Variants in KMT2D observed in about 807,000 individuals in gnomAD.
KMT2D encodes the protein histone-lysine N-methyltransferase 2D.
Under a neutral mutation model 512.7 loss-of-function variants are expected in KMT2D, and 55 were observed. The ratio of observed to expected loss-of-function variants is 0.11; its 90% CI spans 0.09 to 0.13. The LOEUF (loss-of-function observed/expected upper bound fraction) is 0.13, where lower values mean the gene tolerates loss of function less well. Among genes scored for constraint, KMT2D ranks in the 10% least tolerant of loss-of-function variants. The pLI is 1.00. For synonymous variants in KMT2D, 2,995 were observed against 2,904.0 expected (o/e 1.03, Z -1.01); for missense variants, 6,061 against 7,127.9 (o/e 0.85, Z 5.39).
chr12:49,060,086 T>G lies in KMT2D; in HGVS notation c.-511A>C, dbSNP rs1479778955. Among the ~76,000 whole-genome samples, 2 of 149,700 alleles carry G rather than the reference T, an allele frequency of 1.3e-5. No individual in the cohort carries two copies. Among genetic ancestry groups the G allele is most frequent in the Non-Finnish European group, 3.0e-5 (2 of 67,234 alleles). ...CCCCGCGCCTGGCCCGGATGGAACGTGAGACCCTCGCAGGAGCGCCGAGCC... is the reference window on the plus strand; with the variant it reads ...CCCCGCGCCTGGCCCGGATGGAACGGGAGACCCTCGCAGGAGCGCCGAGCC... On this transcript the variant is annotated 5_prime_UTR_variant, in exon 1 of 55. Transcript: ENST00000301067.
In KMT2D at chr12:49,044,011, CG is replaced by C. The variant is rs761505876; in HGVS notation, c.5189-14del. ...TCAGCAGGTATCACTGTGGACAGAA[CG>C]GAAGTGTCAGACTCGGGTTGAGAGC... is the stretch of plus-strand genomic sequence containing the variant. On this transcript the variant is annotated splice_polypyrimidine_tract_variant and intron_variant, in intron 22 of 54. Transcript: ENST00000301067. The surrounding 1 kb of genome is among the most constrained non-coding windows in gnomAD (Gnocchi z 6.4). The C allele has an allele frequency of 6.2e-7, 1 of 1,613,586 alleles. No homozygotes were observed. Among genetic ancestry groups the C allele is most frequent in the South Asian group, 1.1e-5 (1 of 91,072 alleles).
In KMT2D at chr12:49,043,774, G is replaced by A. The variant is rs1348839272; in HGVS notation, c.5328C>T (p.Phe1776=). The change falls in exon 24 of 55, where the codon TTC becomes TTT. Residue 1776 remains phenylalanine (F), a synonymous_variant. Transcript: ENST00000301067. ...DMFPAYLQEA[F]FGKELLDLSR... is the part of the protein sequence containing the mutation. The stretch of plus-strand genomic sequence containing the variant: ...TCAGGTCCAGCAGCTCCTTCCCAAA[G>A]AAGGCTTCCTGTGGGGCAGTCAAGG... 1 of 1,612,560 alleles carries A rather than the reference G, an allele frequency of 6.2e-7. No homozygotes were observed. Among genetic ancestry groups the A allele is most frequent in the South Asian group, 1.1e-5 (1 of 91,052 alleles).
At position 49,046,579 on chromosome 12, in the gene KMT2D, G is replaced by C. The variant is rs780560503; in HGVS notation, c.4418+30C>G. On this transcript the variant is annotated intron_variant, in intron 16 of 54. Coordinates refer to ENST00000301067, the MANE Select transcript of KMT2D (RefSeq NM_003482.4). This position sits in a 1 kb window ranked among gnomAD's most constrained non-coding sequence, Gnocchi z 4.2. The stretch of plus-strand genomic sequence containing the variant: ...TCCACTTTAACATCTCAAGGCCCCA[G>C]GGCTCCACTGAAGATCCCAGTCTCC... 2 of 1,598,206 alleles carry C rather than the reference G, an allele frequency of 1.3e-6. No homozygotes were observed. Among genetic ancestry groups the C allele is most frequent in the South Asian group, 2.2e-5 (2 of 89,312 alleles).
intron 6 of KMT2D, 55 bp downstream of exon 6, chr12:49,053,923 C>CCAAGG: frequency 6.4e-7 from 1 of 1,572,188 alleles, no homozygotes; most frequent in Non-Finnish European, 8.7e-7. Flanking sequence ...GTACAAAAAT[C>CCAAGG]CAAGGCACAT....
chr12:49,020,257 C>T lies in KMT2D; in HGVS notation c.*1523G>A, dbSNP rs1285171106. ...GGTGGGAATTGCCCAGCCTCTATAC[C>T]CCCATCTTACAGCAGTCACAGCCAG... On this transcript the variant is annotated 3_prime_UTR_variant, in exon 55 of 55. Transcript: ENST00000301067. 5.7e-6 allele frequency: 1 copy of T among 175,282 alleles called. No homozygotes were observed. The highest frequency in any genetic ancestry group is 1.2e-5 in the Non-Finnish European group (1 of 81,226). The allele number at this position is 175,282 out of a possible 1,614,324, so 10.9% of individuals were successfully genotyped here. A position where few individuals can be genotyped will look rare whatever the true frequency, so the allele number is the denominator to read the frequency against.
rs1937998272 is a variant in KMT2D, at chr12:49,051,405, G to C, written c.2278C>G (p.His760Asp). The stretch of plus-strand genomic sequence containing the variant: ...GGCTCCTCAGCCTGCGGAGATAGGT[G>C]TGGCTCCTCAGGCCGGGGGGACAGG... ...PHLSPRPEEP[H>D]LSPQAEEPHL... is the part of the protein sequence containing the mutation. The change falls in exon 11 of 55, where the codon CAC (histidine) becomes GAC (aspartate). Residue 760 changes from histidine (H) to aspartate (D), a missense_variant. By Grantham distance (81) the His-to-Asp change is moderately conservative. Around this residue, in one of 16 missense-constraint regions of KMT2D, gnomAD observed 848 missense variants for 838.5 expected, o/e 1.01. Transcript: ENST00000301067. 6.2e-7 allele frequency: 1 copy of C among 1,611,688 alleles called. No individual in the cohort carries two copies. Among genetic ancestry groups the C allele is most frequent in the Middle Eastern group, 1.7e-4 (1 of 6,050 alleles).
intron 43 of KMT2D, 85 bp downstream of exon 43, chr12:49,030,195 C>T (rs1942827415): frequency 1.6e-6 from 2 of 1,226,088 alleles, no homozygotes; most frequent in African/African-American, 1.5e-5. Flanking sequence ...AGGCAACCCA[C>T]TAATTTCTAA....
At position 49,040,759 on chromosome 12, in the gene KMT2D, C is replaced by T. The variant is rs919292854; in HGVS notation, c.7011G>A (p.Gln2337=). ...FKAPLTPRAS[Q]VEPQSPGLGL... ...CCAAGCCCGGGCTCTGGGGCTCTACCTGAGATGCCCGAGGGGTCAGGGGGG... is the reference window on the plus strand; with the variant it reads ...CCAAGCCCGGGCTCTGGGGCTCTACTTGAGATGCCCGAGGGGTCAGGGGGG... Residue 2337 remains glutamine, a synonymous_variant, in exon 32 of 55, where the codon CAG becomes CAA. Coordinates refer to ENST00000301067, the MANE Select transcript of KMT2D (RefSeq NM_003482.4). 6.2e-7 allele frequency: 1 copy of T among 1,613,500 alleles called. No homozygotes were observed. Among genetic ancestry groups the T allele is most frequent in the African/African-American group, 1.3e-5 (1 of 74,966 alleles).
Position 49,046,723 on chromosome 12 carries a change from T to C in KMT2D, c.4304A>G (p.Gln1435Arg). The part of the protein sequence containing the change: ...VECIVCEVCG[Q>R]ASDPSRLLLC... ...CAGCAGGCGTGAGGGGTCGGAGGCC[T>C]GGCCACACACCTCACACACAATACA... Residue 1435 changes from glutamine to arginine, a missense_variant, in exon 16 of 55, where the codon CAG becomes CGG. Transcript: ENST00000301067. The surrounding 1 kb of genome is among the most constrained non-coding windows in gnomAD (Gnocchi z 4.2). 1 of 1,613,940 alleles carries C rather than the reference T, an allele frequency of 6.2e-7. No individual in the cohort carries two copies. The highest frequency in any genetic ancestry group is 8.5e-7 in the Non-Finnish European group (1 of 1,179,870).
intron 35 of KMT2D, among the ~76,000 whole-genome samples, chr12:49,036,893 C>A (rs1943249421): frequency 6.6e-6 from 1 of 152,190 alleles, no homozygotes; most frequent in Non-Finnish European, 1.5e-5. Context: ...TTCATTCATA[C>A]ATTCATTCCA....
Position 49,040,222 on chromosome 12 carries a change from G to C in KMT2D, c.7548C>G (p.Pro2516=). 1.9e-6 allele frequency: 3 copies of C among 1,613,024 alleles called. No individual in the cohort carries two copies. In the South Asian group the frequency reaches 3.3e-5, roughly 18 times the overall value. The stretch of plus-strand genomic sequence containing the variant: ...CCGTCCCAGGGGACCGGACAAAATT[G>C]GGGGGCTGCCCACTTGGGACCTTGG... ...LHAKVPSGQP[P]NFVRSPGTGA... Residue 2516 remains proline (P), a synonymous_variant, in exon 32 of 55, where the codon CCC becomes CCG. Coordinates refer to ENST00000301067, the MANE Select transcript of KMT2D (RefSeq NM_003482.4).
chr12:49,021,792 T>C lies in KMT2D; in HGVS notation c.16602A>G (p.Lys5534=), dbSNP rs1942340354. 6.2e-7 allele frequency: 1 copy of C among 1,613,810 alleles called. No homozygotes were observed. Among genetic ancestry groups the C allele is most frequent in the Non-Finnish European group, 8.5e-7 (1 of 1,179,654 alleles). The change falls in exon 55 of 55, where the codon AAA becomes AAG. Residue 5534 remains lysine, a synonymous_variant. Transcript: ENST00000301067. Reference sequence around the variant, plus strand: ...GCCTCAAAGCTTCTTAGTTCATCCATTTCCGACAATTCCAGGCTCCACAGT... The same window carrying C: ...GCCTCAAAGCTTCTTAGTTCATCCACTTCCGACAATTCCAGGCTCCACAGT... The part of the protein sequence containing the change: ...PCHCGAWNCR[K]WMN
Position 49,051,677 on chromosome 12 carries a change from G to C in KMT2D, c.2006C>G (p.Ser669Cys), listed in dbSNP as rs1368185449. 1.3e-6 allele frequency: 2 copies of C among 1,577,780 alleles called. No homozygotes were observed. Among genetic ancestry groups the C allele is most frequent in the Non-Finnish European group, 1.7e-6 (2 of 1,159,682 alleles). Residue 669 changes from serine to cysteine, a missense_variant, in exon 11 of 55, where the codon TCT becomes TGT. Physicochemically the swap from Ser to Cys is moderately radical, Grantham distance 112. Coordinates refer to ENST00000301067, the MANE Select transcript of KMT2D (RefSeq NM_003482.4). ...VSRLSPPPEE[S>C]PLSPPPEESP... is the part of the protein sequence containing the mutation. ...CTCCTCAGGCGGTGGGGACAAGGGA[G>C]ATTCCTCAGGCGGTGGAGACAGGCG...
At chr12:49,057,739 A>C (rs1938494813) in intron 1 of KMT2D, among the ~76,000 whole-genome samples, 1 of 152,170 alleles carries the variant, frequency 6.6e-6, no homozygotes, top group South Asian at 2.1e-4. Flanking sequence ...CAGGTTCCCC[A>C]GTCCCATCAT....
rs77945935 is a variant in KMT2D, at chr12:49,019,572, A to G, written c.*2208T>C. 0.017 allele frequency: 3,896 copies of G among 227,962 alleles called. 128 individuals are homozygous for G. Among genetic ancestry groups the G allele is most frequent in the African/African-American group, 0.08 (3,611 of 45,054 alleles). 14.1% of individuals were successfully genotyped at this position (227,962 alleles called of 1,614,324 possible). A position where few individuals can be genotyped will look rare whatever the true frequency, so the allele number is the denominator to read the frequency against. On this transcript the variant is annotated 3_prime_UTR_variant, in exon 55 of 55. Transcript: ENST00000301067. ...AAGTCTGCCCCATCCCCTTTTCCCA[A>G]TCCCAGGGCCCAAGCCCCAAACACA...
Position 49,037,493 on chromosome 12 carries a change from G to A in KMT2D, c.9863C>T (p.Ala3288Val), listed in dbSNP as rs1408910274. 1 of 1,558,744 alleles carries A rather than the reference G, an allele frequency of 6.4e-7. No individual in the cohort carries two copies. Among genetic ancestry groups the A allele is most frequent in the Non-Finnish European group, 8.7e-7 (1 of 1,151,264 alleles). ...AGACATGGCCTGGGCAGGGCCTGGT[G>A]CAGACAGTAGGGAATGCTGCTGCTG... Reference protein sequence around the residue: ...QQQQQHSLLSAPGPAQAMSLP... With the variant: ...QQQQQHSLLSVPGPAQAMSLP... The change falls in exon 35 of 55, where the codon GCA becomes GTA. Residue 3288 changes from alanine (A) to valine (V), a missense_variant. Coordinates refer to ENST00000301067, the MANE Select transcript of KMT2D (RefSeq NM_003482.4).
At position 49,051,874 on chromosome 12, in the gene KMT2D, A is replaced by C; in HGVS notation, c.1809T>G (p.Phe603Leu). The change falls in exon 11 of 55, where the codon TTT (phenylalanine) becomes TTG (leucine). Residue 603 changes from phenylalanine (F) to leucine (L), a missense_variant. Physicochemically the swap from Phe to Leu is conservative, Grantham distance 22. Coordinates refer to ENST00000301067, the MANE Select transcript of KMT2D (RefSeq NM_003482.4). ...GTGGAGGGGACAGAGGAGACTCTTC[A>C]AATGGTGGGAACAGACGAGATGCCT... is the stretch of plus-strand genomic sequence containing the variant. ...PPEASRLFPP[F>L]EESPLSPPPE... The C allele has an allele frequency of 6.2e-7, 1 of 1,611,240 alleles. No homozygotes were observed. The highest frequency in any genetic ancestry group is 8.5e-7 in the Non-Finnish European group (1 of 1,179,032).
At position 49,053,363 on chromosome 12, in the gene KMT2D, C is replaced by G. The variant is rs764835174; in HGVS notation, c.840-42G>C. The G allele has an allele frequency of 5.0e-6, 8 of 1,602,476 alleles. No homozygotes were observed. In the African/African-American group the frequency reaches 9.4e-5, roughly 19 times the overall value. On this transcript the variant is annotated intron_variant, in intron 7 of 54. Transcript: ENST00000301067. ...AACATTACAGTGTCCTCTCTGCCCT[C>G]ATTTCCTTTCTTTTTTGTTGTTTTC...
rs377057640 is a variant in KMT2D, at chr12:49,046,026, T to C, written c.4693+39A>G. The C allele has an allele frequency of 6.2e-7, 1 of 1,612,578 alleles. No homozygotes were observed. Among genetic ancestry groups the C allele is most frequent in the Non-Finnish European group, 8.5e-7 (1 of 1,179,004 alleles). On this transcript the variant is annotated intron_variant, in intron 18 of 54. Coordinates refer to ENST00000301067, the MANE Select transcript of KMT2D (RefSeq NM_003482.4). This position sits in a 1 kb window ranked among gnomAD's most constrained non-coding sequence, Gnocchi z 4.2. ...GTCCTGTCCCAAAGCAAGGTACCCC[T>C]GCTCTGACTCCTCCCCCTACCCAGC...
Sources: gnomAD v4.1 joint callset for allele counts (sites outside exome capture counted in the v4.1 genomes callset) on GRCh38, gnomAD v4.1.1 for gene constraint, gnomAD v4.1.1 regional missense constraint, Gnocchi (gnomAD v3.1) non-coding constraint, MANE v1.5 for transcripts, NCBI Gene and HGNC (gene_info 2026-07-23, HGNC 2026-07-21) for gene names.